C10orf67: variants seen among roughly 807,000 people sequenced by gnomAD.
C10orf67 encodes the protein uncharacterized protein C10orf67, mitochondrial.
In C10orf67, 60 loss-of-function variants were observed where a neutral mutation model predicts 35.6. The observed-to-expected ratio is 1.68, with a 90% CI of 1.37 to 2.09. The LOEUF (loss-of-function observed/expected upper bound fraction) is 2.09, where lower values mean the gene tolerates loss of function less well. Ranked by LOEUF, C10orf67 falls within the 30% of genes most tolerant of loss-of-function variation. The probability of loss-of-function intolerance (pLI) is 0.00; values close to 1 mark genes in which losing one functional copy is unlikely to be tolerated. For synonymous variants in C10orf67, 167 were observed against 115.8 expected (o/e 1.44, Z -2.84); for missense variants, 474 against 330.2 (o/e 1.44, Z -3.38).
intron 8 of C10orf67, among the ~76,000 whole-genome samples, chr10:23,270,892 A>C (rs887391712): frequency 6.6e-6 from 1 of 152,184 alleles, no homozygotes; most frequent in African/African-American, 2.4e-5. Flanking sequence ...TCCCTGCAGG[A>C]ATTTCAGCAA....
At chr10:23,318,989 G>T in intron 4 of C10orf67, 1 of 726,698 alleles carries the variant, frequency 1.4e-6, no homozygotes, top group South Asian at 1.5e-5. Context: ...TCTTCCATGA[G>T]AACCCTTTTT....
At chr10:23,260,980 A>C (rs1188293684) in intron 10 of C10orf67, among the ~76,000 whole-genome samples, 2 of 152,156 alleles carry the variant, frequency 1.3e-5, no homozygotes, top group Non-Finnish European at 2.9e-5. Context: ...CGACTTGCAA[A>C]TTGTCAACTA....
intron 5 of C10orf67, among the ~76,000 whole-genome samples, chr10:23,292,566 A>C (rs1468340111): frequency 6.6e-6 from 1 of 152,210 alleles, no homozygotes; most frequent in East Asian, 1.9e-4. Flanking sequence ...CTTTGGAACT[A>C]CACTTTCATT....
At chr10:23,225,094 A>G (rs1385712479) in intron 13 of C10orf67, among the ~76,000 whole-genome samples, 1 of 152,214 alleles carries the variant, frequency 6.6e-6, no homozygotes, top group Non-Finnish European at 1.5e-5. Context: ...GAAATGAAGG[A>G]AAAAATGTTA....
chr10:23,317,346 G>A (rs376361836), intron 4 of C10orf67: 2 of 152,248 alleles, frequency 1.3e-5, no homozygotes, highest in East Asian at 1.9e-4. Flanking sequence ...GGAGCAGGGG[G>A]GCTTCCTAGG....
intron 13 of C10orf67, 76 bp downstream of exon 13, chr10:23,239,653 C>A: frequency 1.7e-6 from 1 of 589,110 alleles, no homozygotes. Flanking sequence ...GCTTGATAAA[C>A]CTTAAACGAG....
At chr10:23,325,603 T>G (rs937827692) in intron 2 of C10orf67, among the ~76,000 whole-genome samples, 9 of 150,210 alleles carry the variant, frequency 6.0e-5, no homozygotes, top group Admixed American at 5.3e-4. Flanking sequence ...TCAGCATTCT[T>G]TAGGGGACTA....
intron 10 of C10orf67, among the ~76,000 whole-genome samples, chr10:23,266,058 C>G (rs757663351): frequency 5.3e-5 from 8 of 152,160 alleles, no homozygotes; most frequent in Non-Finnish European, 1.0e-4. Flanking sequence ...AACTGCCTGG[C>G]TGGGCATACT....
chr10:23,301,917 A>G (rs1391348315), intron 5 of C10orf67, among the ~76,000 whole-genome samples: 1 of 152,236 alleles, frequency 6.6e-6, no homozygotes, highest in Non-Finnish European at 1.5e-5. Flanking sequence ...CTTTAGCCTG[A>G]TCGGGAGCGG....
intron 5 of C10orf67, among the ~76,000 whole-genome samples, chr10:23,294,643 A>G (rs572983117): frequency 6.6e-6 from 1 of 152,392 alleles, no homozygotes; most frequent in South Asian, 2.1e-4. Context: ...CTTATTAATT[A>G]TAAAGCTATT....
intron 10 of C10orf67, among the ~76,000 whole-genome samples, chr10:23,261,403 C>T (rs1842745423): frequency 6.6e-6 from 1 of 152,178 alleles, no homozygotes; most frequent in African/African-American, 2.4e-5. Flanking sequence ...GCCTTGACTC[C>T]TGGGCTCAAA....
At chr10:23,299,432 T>C (rs750914993) in intron 5 of C10orf67, among the ~76,000 whole-genome samples, 50 of 152,298 alleles carry the variant, frequency 3.3e-4, no homozygotes, top group Non-Finnish European at 7.3e-5. Flanking sequence ...GATTAGTTCC[T>C]TCCTCAAGCA....
intron 8 of C10orf67, among the ~76,000 whole-genome samples, chr10:23,277,565 A>AAT (rs1028913712): frequency 4.6e-5 from 7 of 151,572 alleles, no homozygotes; most frequent in African/African-American, 1.5e-4. Flanking sequence ...AAAAAAAAAA[A>AAT]AATAATAACA....
chr10:23,283,939 A>C (rs1354766383), intron 7 of C10orf67, among the ~76,000 whole-genome samples: 1 of 152,062 alleles, frequency 6.6e-6, no homozygotes, highest in African/African-American at 2.4e-5. Context: ...AACAGAGTCT[A>C]CTGTGGCAGC....
chr10:23,263,683 C>T (rs1011159242), intron 10 of C10orf67, among the ~76,000 whole-genome samples: 2 of 152,178 alleles, frequency 1.3e-5, no homozygotes, highest in Non-Finnish European at 2.9e-5. Context: ...CCCATGGAAG[C>T]TCAGAAGTCC....
intron 8 of C10orf67, among the ~76,000 whole-genome samples, chr10:23,269,491 A>T (rs1842964779): frequency 1.3e-5 from 2 of 152,204 alleles, no homozygotes; most frequent in Admixed American, 1.3e-4. Flanking sequence ...AACAAAACCA[A>T]GAGAAGACAT....
intron 4 of C10orf67, among the ~76,000 whole-genome samples, chr10:23,314,932 A>T (rs1242468413): frequency 6.6e-6 from 1 of 152,262 alleles, no homozygotes; most frequent in Non-Finnish European, 1.5e-5. Flanking sequence ...ATAGCTGAAA[A>T]AAAAAGTACA....
chr10:23,216,187 A>G (rs1026002212), intron 15 of C10orf67, among the ~76,000 whole-genome samples: 5 of 152,230 alleles, frequency 3.3e-5, no homozygotes, highest in African/African-American at 1.2e-4. Flanking sequence ...GAACCACCCA[A>G]TTATAGAAAA....
In C10orf67 at chr10:23,274,100, G is replaced by A. The variant is rs185312842; in HGVS notation, c.976-6846C>T. The stretch of plus-strand genomic sequence containing the variant: ...AAGTTTTTATTAGGGATTTCAAAAG[G>A]GGAGGCAGTGTACGAATAGGGAGTG... On this transcript the variant is annotated intron_variant, in intron 8 of 15. Transcript: ENST00000636213. Among the ~76,000 whole-genome samples, 112 of 152,228 alleles carry A rather than the reference G, an allele frequency of 7.4e-4. 2 individuals carry two copies. Among genetic ancestry groups the A allele is most frequent in the Admixed American group, 2.9e-3 (44 of 15,268 alleles).
Sources: gnomAD v4.1 joint callset for allele counts (sites outside exome capture counted in the v4.1 genomes callset) on GRCh38, gnomAD v4.1.1 for gene constraint, MANE v1.5 for transcripts, NCBI Gene and HGNC (gene_info 2026-07-23, HGNC 2026-07-21) for gene names.